The following KLHL42 variants were observed in gnomAD, a reference collection of about 807,000 sequenced individuals.
KLHL42 encodes kelch-like protein 42.
A neutral mutation model predicts 32.7 loss-of-function variants in KLHL42; 27 were observed. The observed-to-expected ratio is 0.83, with a 90% CI of 0.61 to 1.14. The LOEUF (loss-of-function observed/expected upper bound fraction) is 1.14, where lower values mean the gene tolerates loss of function less well. Among genes scored for constraint, KLHL42 ranks in the 50% most tolerant of loss-of-function variants. The probability of loss-of-function intolerance (pLI) is 0.00; values close to 1 mark genes in which losing one functional copy is unlikely to be tolerated. For synonymous variants in KLHL42, 267 were observed against 248.2 expected, an observed-to-expected ratio of 1.08 and a Z score of -0.71; for missense variants, 491 against 560.8, an observed-to-expected ratio of 0.88 and a Z score of 1.26.
Position 27,781,023 on chromosome 12 carries a change from G to A in KLHL42, c.693G>A (p.Pro231=), listed in dbSNP as rs1057131661. The A allele has an allele frequency of 5.6e-6, 9 of 1,612,050 alleles. No homozygotes were observed. The highest frequency in any genetic ancestry group is 6.8e-6 in the Non-Finnish European group (8 of 1,178,718). The part of the protein sequence containing the change: ...RYEEMTERWF[P]LANNLPPDLV... ...AGGAGATGACTGAGCGTTGGTTCCC[G>A]CTGGCCAACAACCTTCCTCCCGACC... Residue 231 remains proline, a synonymous_variant, in exon 1 of 3, where the codon CCG becomes CCA. Coordinates refer to ENST00000381271, the MANE Select transcript of KLHL42 (RefSeq NM_020782.2).
chr12:27,794,623 TG>T (rs779041883), intron 2 of KLHL42, among the ~76,000 whole-genome samples: 1 of 152,302 alleles, frequency 6.6e-6, no homozygotes, highest in Non-Finnish European at 1.5e-5. Context: ...CCCAAAGTGC[TG>T]GGATTACAGG....
intron 1 of KLHL42, 31 bp downstream of exon 1, chr12:27,781,233 C>CTCAT: frequency 6.2e-7 from 1 of 1,607,870 alleles, no homozygotes; most frequent in Non-Finnish European, 8.5e-7. Flanking sequence ...CTGCTGCCTT[C>CTCAT]TCATTCATTC....
chr12:27,781,506 C>G (rs1191026762), intron 1 of KLHL42, among the ~76,000 whole-genome samples: 1 of 152,116 alleles, frequency 6.6e-6, no homozygotes, highest in Non-Finnish European at 1.5e-5. Flanking sequence ...TACAAGAATA[C>G]TTTAAAAGAA....
In KLHL42 at chr12:27,781,662, T is replaced by A. The variant is rs375570546; in HGVS notation, c.872+460T>A. 1.0e-3 allele frequency among the ~76,000 whole-genome samples: 158 copies of A among 152,308 alleles called. 5 individuals carry two copies. The South Asian group carries it at 0.031, about 30-fold the overall frequency. ...ACTGTGACAACAGAGTCTTCCACAC[T>A]GTGATACCCATCATGATCAAGAGAT... On this transcript the variant is annotated intron_variant, in intron 1 of 2. Transcript: ENST00000381271.
chr12:27,797,374 G>T (rs2062223716), intron 2 of KLHL42: 1 of 486,024 alleles, frequency 2.1e-6, no homozygotes, highest in Non-Finnish European at 4.0e-6. Flanking sequence ...ATTGATGAGG[G>T]TTCTGAGGCA....
intron 2 of KLHL42, among the ~76,000 whole-genome samples, chr12:27,796,945 ATTAT>A (rs2062221518): frequency 6.6e-6 from 1 of 152,162 alleles, no homozygotes; most frequent in African/African-American, 2.4e-5. Context: ...GCCGAAAATC[ATTAT>A]TAATTAAAAA....
intron 1 of KLHL42, among the ~76,000 whole-genome samples, chr12:27,791,339 C>A (rs1221742873): frequency 1.3e-5 from 2 of 152,182 alleles, no homozygotes; most frequent in African/African-American, 2.4e-5. Flanking sequence ...AGGTGAAAGA[C>A]AATGGGGTGA....
At chr12:27,792,592 C>T (rs772120107) in intron 2 of KLHL42, among the ~76,000 whole-genome samples, 3 of 152,206 alleles carry the variant, frequency 2.0e-5, no homozygotes, top group Admixed American at 1.3e-4. Flanking sequence ...GGCGTGATCT[C>T]GGCTCACTGC....
At chr12:27,793,404 G>T (rs779483314) in intron 2 of KLHL42, among the ~76,000 whole-genome samples, 1 of 151,718 alleles carries the variant, frequency 6.6e-6, no homozygotes, top group Non-Finnish European at 1.5e-5. Context: ...TTAGCTGGTT[G>T]TGGTGGCATG....
At chr12:27,794,812 T>TC (rs2062211751) in intron 2 of KLHL42, among the ~76,000 whole-genome samples, 1 of 151,964 alleles carries the variant, frequency 6.6e-6, no homozygotes, top group East Asian at 1.9e-4. Context: ...CTTTTTTTTT[T>TC]CCCACTCCAA....
chr12:27,794,149 T>C (rs2062209300), intron 2 of KLHL42, among the ~76,000 whole-genome samples: 1 of 152,226 alleles, frequency 6.6e-6, no homozygotes. Context: ...CATAACAAAT[T>C]AGTATACACT....
intron 2 of KLHL42, among the ~76,000 whole-genome samples, chr12:27,795,946 C>T (rs1030367927): frequency 1.3e-5 from 2 of 152,140 alleles, no homozygotes; most frequent in South Asian, 2.1e-4. Flanking sequence ...CTGAGAAATA[C>T]GTGGAAGCCT....
intron 2 of KLHL42, among the ~76,000 whole-genome samples, chr12:27,796,629 G>T (rs1442181771): frequency 2.6e-5 from 4 of 151,954 alleles, no homozygotes; most frequent in Non-Finnish European, 5.9e-5. Context: ...TTTCCTTAAA[G>T]AAAATTACTT....
chr12:27,780,423 C>T lies in KLHL42; in HGVS notation c.93C>T (p.Arg31=), dbSNP rs2062140586. The T allele has an allele frequency of 1.9e-6, 3 of 1,554,328 alleles. No individual in the cohort carries two copies. Among genetic ancestry groups the T allele is most frequent in the Non-Finnish European group, 1.7e-6 (2 of 1,151,250 alleles). The part of the protein sequence containing the change: ...RKLIEQSDYF[R]ALYRSGMREA... ...TCATCGAGCAGAGCGACTACTTCCG[C>T]GCCCTCTACCGCTCCGGCATGCGCG... The change falls in exon 1 of 3, where the codon CGC becomes CGT. Residue 31 remains arginine (R), a synonymous_variant. Transcript: ENST00000381271. This position sits in a 1 kb window ranked among gnomAD's most constrained non-coding sequence, Gnocchi z 8.8.
intron 1 of KLHL42, among the ~76,000 whole-genome samples, chr12:27,786,569 C>G (rs1344544235): frequency 6.6e-6 from 1 of 152,158 alleles, no homozygotes; most frequent in Non-Finnish European, 1.5e-5. Flanking sequence ...TTCACATCTA[C>G]TTTGATTCAC....
chr12:27,788,288 G>A (rs2062181692), intron 1 of KLHL42: 1 of 152,196 alleles, frequency 6.6e-6, no homozygotes. Flanking sequence ...GTCAGGTATT[G>A]TAGTCACAAC....
chr12:27,791,142 A>G (rs2062195016), intron 1 of KLHL42, among the ~76,000 whole-genome samples: 1 of 152,212 alleles, frequency 6.6e-6, no homozygotes, highest in African/African-American at 2.4e-5. Context: ...GTTGTGAAGC[A>G]GTATGTTAGA....
At position 27,781,060 on chromosome 12, in the gene KLHL42, A is replaced by G. The variant is rs1021494561; in HGVS notation, c.730A>G (p.Arg244Gly). 1 of 1,613,932 alleles carries G rather than the reference A, an allele frequency of 6.2e-7. No homozygotes were observed. Among genetic ancestry groups the G allele is most frequent in the East Asian group, 2.2e-5 (1 of 44,890 alleles). ...CCTTCCTCCCGACCTGGTCAATGTC[A>G]GGGGCTATGGGTCTGCCATCCTGGA... The part of the protein sequence containing the change: ...NNLPPDLVNV[R>G]GYGSAILDNY... Residue 244 changes from arginine (R) to glycine (G), a missense_variant, in exon 1 of 3, where the codon AGG becomes GGG. Physicochemically the swap from Arg to Gly is moderately radical, Grantham distance 125 (BLOSUM62 -2). This residue lies in a region of KLHL42 where 248 missense variants were observed against 329.2 expected (regional missense o/e 0.75). Coordinates refer to ENST00000381271, the MANE Select transcript of KLHL42 (RefSeq NM_020782.2).
intron 2 of KLHL42, among the ~76,000 whole-genome samples, chr12:27,794,301 G>A (rs1030289649): frequency 2.0e-5 from 3 of 152,096 alleles, no homozygotes; most frequent in African/African-American, 4.8e-5. Flanking sequence ...CTGGTAGCTC[G>A]GGGCTCCTTG....
Sources: allele counts gnomAD v4.1 joint callset (sites outside exome capture counted in the v4.1 genomes callset), GRCh38; gene constraint gnomAD v4.1.1; regional missense constraint gnomAD v4.1.1; non-coding constraint Gnocchi (gnomAD v3.1); transcripts MANE v1.5; gene names NCBI Gene and HGNC (gene_info 2026-07-23, HGNC 2026-07-21).